WDFY4: variants seen among roughly 807,000 people sequenced by gnomAD.
WDFY4 encodes WDFY family member 4, also known as WD repeat- and FYVE domain-containing protein 4.
In WDFY4, 169 loss-of-function variants were observed where a neutral mutation model predicts 351.9. That is an observed-to-expected ratio of 0.48 (90% CI 0.42 to 0.55). WDFY4 has a LOEUF of 0.55. WDFY4 is among the 20% of genes least tolerant of loss of function. The pLI is 0.00. For missense variants in WDFY4, 3,803 were observed against 3,935.6 expected (o/e 0.97, Z 0.90); for synonymous variants, 1,622 against 1,574.6 (o/e 1.03, Z -0.71).
At chr10:48,705,221 A>G (rs2063594724) in intron 1 of WDFY4, among the ~76,000 whole-genome samples, 1 of 152,240 alleles carries the variant, frequency 6.6e-6, no homozygotes. Context: ...ATGGTTGGGA[A>G]GCACAGGTTT....
rs1270566465 is a variant in WDFY4 at position 48,817,420 on chromosome 10, C to G, written c.5505+11C>G. ...CTGGGAGCCCAAAAGGTAGGACATGCTGCTGTCCCACCCAGAGAGAGCAGT... is the reference window on the plus strand; with the variant it reads ...CTGGGAGCCCAAAAGGTAGGACATGGTGCTGTCCCACCCAGAGAGAGCAGT... On this transcript the variant is annotated intron_variant, in intron 32 of 61. Coordinates refer to ENST00000325239, the MANE Select transcript of WDFY4 (RefSeq NM_001394531.1). 1 of 1,545,856 alleles carries G rather than the reference C, an allele frequency of 6.5e-7. No homozygotes were observed. Among genetic ancestry groups the G allele is most frequent in the Non-Finnish European group, 8.7e-7 (1 of 1,143,064 alleles).
At chr10:48,941,908 C>T in intron 48 of WDFY4, 60 bp downstream of exon 48, 1 of 1,489,724 alleles carries the variant, frequency 6.7e-7, no homozygotes, top group Non-Finnish European at 9.2e-7. Context: ...ATGGCTCAGG[C>T]CCCAGCGATG....
chr10:48,767,277 T>G (rs2065702143), intron 13 of WDFY4, among the ~76,000 whole-genome samples: 1 of 152,186 alleles, frequency 6.6e-6, no homozygotes, highest in South Asian at 2.1e-4. Context: ...AGTTGTAAAG[T>G]CCTTAGTACA....
chr10:48,879,869 C>T (rs1020905615), intron 43 of WDFY4, among the ~76,000 whole-genome samples: 2 of 152,174 alleles, frequency 1.3e-5, no homozygotes, highest in African/African-American at 2.4e-5. Flanking sequence ...ATCCTTCTTG[C>T]CCCCTCTGCC....
chr10:48,982,379 A>T, intron 61 of WDFY4, 130 bp from the exon 62 acceptor site: 1 of 695,316 alleles, frequency 1.4e-6, no homozygotes, highest in Non-Finnish European at 2.2e-6. Context: ...CCCTGCCTCA[A>T]GGGAGACAAG....
intron 23 of WDFY4, among the ~76,000 whole-genome samples, chr10:48,795,590 C>G (rs531314836): frequency 6.7e-6 from 1 of 148,486 alleles, no homozygotes; most frequent in African/African-American, 2.5e-5. Flanking sequence ...ACAAACAAGG[C>G]TTCCGAAGGG....
intron 47 of WDFY4, among the ~76,000 whole-genome samples, chr10:48,922,737 G>T (rs528256611): frequency 6.6e-6 from 1 of 152,240 alleles, no homozygotes; most frequent in Non-Finnish European, 1.5e-5. Context: ...GGATACATGC[G>T]ACAACTTGGA....
intron 43 of WDFY4, among the ~76,000 whole-genome samples, chr10:48,878,957 G>A (rs1016836319): frequency 5.3e-5 from 8 of 152,200 alleles, no homozygotes; most frequent in Non-Finnish European, 1.0e-4. Context: ...TATCTACTAT[G>A]TGAAATTTTG....
chr10:48,966,700 G>C (rs1396469735), intron 55 of WDFY4, 27 bp downstream of exon 55: 1 of 1,548,150 alleles, frequency 6.5e-7, no homozygotes, highest in Non-Finnish European at 8.7e-7. Flanking sequence ...GCATTGTTTG[G>C]TGTCCTGTCC....
intron 47 of WDFY4, among the ~76,000 whole-genome samples, chr10:48,911,525 G>T (rs1257755700): frequency 6.6e-6 from 1 of 152,110 alleles, no homozygotes; most frequent in Non-Finnish European, 1.5e-5. Context: ...TAACTTAAAG[G>T]TACAACAGTA....
At chr10:48,689,941 G>A (rs2063152278) in intron 1 of WDFY4, among the ~76,000 whole-genome samples, 1 of 152,224 alleles carries the variant, frequency 6.6e-6, no homozygotes, top group Non-Finnish European at 1.5e-5. Flanking sequence ...TGAAGAGTGA[G>A]TGACTGAGCT....
intron 23 of WDFY4, among the ~76,000 whole-genome samples, chr10:48,794,783 C>T (rs10776646): frequency 0.16 from 24,068 of 152,116 alleles, 2,760 homozygotes; most frequent in African/African-American, 0.32. Context: ...AGGATGGAGG[C>T]GTCCTCTTTG....
chr10:48,692,998 G>T lies in WDFY4; in HGVS notation c.-18+7997G>T, dbSNP rs2063236008. On this transcript the variant is annotated intron_variant, in intron 1 of 61. Transcript: ENST00000325239. Reference sequence around the variant, plus strand: ...AGCCATGAGCTGTGTCTGGAAGGTGGCATGTTTGGACCGTGGTGCTGAAGG... The same window carrying T: ...AGCCATGAGCTGTGTCTGGAAGGTGTCATGTTTGGACCGTGGTGCTGAAGG... Among the ~76,000 whole-genome samples the T allele has an allele frequency of 2.6e-5, 4 of 152,184 alleles. No homozygotes were observed. The South Asian group carries it at 8.3e-4, about 32-fold the overall frequency.
At chr10:48,971,069 A>G (rs749620963) in intron 57 of WDFY4, among the ~76,000 whole-genome samples, 1 of 152,202 alleles carries the variant, frequency 6.6e-6, no homozygotes, top group Non-Finnish European at 1.5e-5. Context: ...GGTTTGTCTA[A>G]CACAAAACCC....
In WDFY4 at chr10:48,788,627, C is replaced by T. The variant is rs2066575296; in HGVS notation, c.3906C>T (p.Asp1302=). Residue 1302 remains aspartate (D), a synonymous_variant, in exon 21 of 62, where the codon GAC becomes GAT. Coordinates refer to ENST00000325239, the MANE Select transcript of WDFY4 (RefSeq NM_001394531.1). The part of the protein sequence containing the change: ...IASSSITSVA[D]IRNAYNEVDS... Reference sequence around the variant, plus strand: ...GCTCCTCTATCACCAGTGTAGCGGACATCAGAAATGCTTACAATGAGGTGG... The same window carrying T: ...GCTCCTCTATCACCAGTGTAGCGGATATCAGAAATGCTTACAATGAGGTGG... The T allele has an allele frequency of 6.4e-7, 1 of 1,551,648 alleles. No individual in the cohort carries two copies. Among genetic ancestry groups the T allele is most frequent in the African/African-American group, 1.4e-5 (1 of 73,052 alleles).
At chr10:48,954,641 C>A (rs1035651788) in intron 51 of WDFY4, among the ~76,000 whole-genome samples, 1 of 152,154 alleles carries the variant, frequency 6.6e-6, no homozygotes, top group Non-Finnish European at 1.5e-5. Context: ...TGGGACTGCT[C>A]GCTGGCAGCC....
intron 18 of WDFY4, 122 bp from the exon 19 acceptor site, chr10:48,779,819 G>A (rs2132652306): frequency 3.1e-6 from 3 of 981,210 alleles, no homozygotes; most frequent in South Asian, 1.7e-5. Context: ...TTCATGAGAG[G>A]AGGATCTAGG....
At chr10:48,818,083 G>A (rs1256619079) in intron 32 of WDFY4, among the ~76,000 whole-genome samples, 1 of 152,220 alleles carries the variant, frequency 6.6e-6, no homozygotes, top group African/African-American at 2.4e-5. Flanking sequence ...GAAGCGAGAA[G>A]GAGGTGAGGA....
At chr10:48,707,414 C>T (rs1248470661) in intron 1 of WDFY4, among the ~76,000 whole-genome samples, 1 of 152,180 alleles carries the variant, frequency 6.6e-6, no homozygotes, top group Non-Finnish European at 1.5e-5. Context: ...TCTGCTGCCC[C>T]TGCCTTCATA....
Sources: allele counts gnomAD v4.1 joint callset (sites outside exome capture counted in the v4.1 genomes callset), GRCh38; gene constraint gnomAD v4.1.1; transcripts MANE v1.5; gene names NCBI Gene and HGNC (gene_info 2026-07-23, HGNC 2026-07-21).